The following FOCAD variants were observed in gnomAD, a reference collection of about 807,000 sequenced individuals.
The protein encoded by FOCAD is focadhesin.
FOCAD carries 198 observed loss-of-function variants against 225.6 expected under a neutral mutation model. The ratio of observed to expected loss-of-function variants is 0.88; its 90% CI spans 0.78 to 0.99. The LOEUF (loss-of-function observed/expected upper bound fraction) is 0.99, where lower values mean the gene tolerates loss of function less well. Ranked by LOEUF, FOCAD falls within the 50% of genes least tolerant of loss-of-function variation. FOCAD has a pLI of 0.00. For missense variants in FOCAD, 2,713 were observed against 2,123.6 expected (o/e 1.28, Z -5.46); for synonymous variants, 897 against 755.0 (o/e 1.19, Z -3.08).
At chr9:20,975,197 T>G (rs1189239229) in intron 35 of FOCAD, among the ~76,000 whole-genome samples, 2 of 152,192 alleles carry the variant, frequency 1.3e-5, no homozygotes, top group African/African-American at 4.8e-5. Context: ...ATTTCTGGCC[T>G]CCTCGTAGTT....
At chr9:20,936,110 G>GT (rs1218421509) in intron 28 of FOCAD, among the ~76,000 whole-genome samples, 5 of 152,300 alleles carry the variant, frequency 3.3e-5, no homozygotes, top group Non-Finnish European at 7.4e-5. Flanking sequence ...CAACATCGTA[G>GT]TTTTTTAGAC....
intron 34 of FOCAD, 25 bp from the exon 35 acceptor site, chr9:20,952,960 A>C (rs2132391231): frequency 6.3e-7 from 1 of 1,594,788 alleles, no homozygotes; most frequent in Non-Finnish European, 8.6e-7. Context: ...TCACTGGTTA[A>C]TTTGATCATT....
At chr9:20,809,799 C>T (rs945824181) in intron 11 of FOCAD, among the ~76,000 whole-genome samples, 2 of 152,094 alleles carry the variant, frequency 1.3e-5, no homozygotes, top group East Asian at 1.9e-4. Flanking sequence ...AACACAATCT[C>T]AGTGTAGATT....
At chr9:20,827,965 G>C (rs1366033944) in intron 15 of FOCAD, among the ~76,000 whole-genome samples, 19 of 152,036 alleles carry the variant, frequency 1.2e-4, no homozygotes, top group Admixed American at 1.2e-3. Flanking sequence ...TTGAAACCAA[G>C]AGTTTGAGGC....
At chr9:20,822,500 G>A (rs1420196316) in intron 14 of FOCAD, among the ~76,000 whole-genome samples, 1 of 151,804 alleles carries the variant, frequency 6.6e-6, no homozygotes, top group Non-Finnish European at 1.5e-5. Context: ...GAGCTCAGTC[G>A]GTTATAGTTT....
At chr9:20,902,711 G>T (rs1413279466) in intron 21 of FOCAD, among the ~76,000 whole-genome samples, 2 of 151,770 alleles carry the variant, frequency 1.3e-5, no homozygotes, top group East Asian at 3.9e-4. Context: ...AAAAAGTTGG[G>T]ACATATATAT....
chr9:20,710,612 T>A (rs921580510), intron 1 of FOCAD, among the ~76,000 whole-genome samples: 8 of 151,798 alleles, frequency 5.3e-5, no homozygotes, highest in African/African-American at 1.9e-4. Context: ...AAAAAAATAA[T>A]AATATAACAT....
rs374151385 is a variant in FOCAD at position 20,734,053 on chromosome 9, G to C, written c.288-6183G>C. Among the ~76,000 whole-genome samples, 212 of 152,270 alleles carry C rather than the reference G, an allele frequency of 1.4e-3. 1 individual carries two copies. Among genetic ancestry groups the C allele is most frequent in the African/African-American group, 4.9e-3 (202 of 41,564 alleles). On this transcript the variant is annotated intron_variant, in intron 4 of 43. Coordinates refer to ENST00000338382, the MANE Select transcript of FOCAD (RefSeq NM_001375567.1). ...ACAAAAAAAGTCTTTTTCGCACTTTGAGATTATAAATATTTTTTAACTAAT... is the reference window on the plus strand; with the variant it reads ...ACAAAAAAAGTCTTTTTCGCACTTTCAGATTATAAATATTTTTTAACTAAT...
intron 21 of FOCAD, among the ~76,000 whole-genome samples, chr9:20,891,409 T>G (rs1000195773): frequency 1.3e-4 from 20 of 152,332 alleles, no homozygotes; most frequent in Middle Eastern, 3.4e-3. Context: ...CTAGGCTTCT[T>G]GCACCAAACA....
intron 24 of FOCAD, among the ~76,000 whole-genome samples, chr9:20,921,751 A>G (rs1215117777): frequency 1.3e-5 from 2 of 152,340 alleles, no homozygotes; most frequent in East Asian, 1.9e-4. Flanking sequence ...AGAACAATAC[A>G]TACTCAGATA....
chr9:20,962,133 G>A (rs1051853596), intron 35 of FOCAD, among the ~76,000 whole-genome samples: 1 of 152,022 alleles, frequency 6.6e-6, no homozygotes, highest in Non-Finnish European at 1.5e-5. Context: ...CTTGGTGGGG[G>A]AAGATAGGGG....
chr9:20,714,702 C>G (rs1308230761), intron 1 of FOCAD, among the ~76,000 whole-genome samples: 1 of 130,770 alleles, frequency 7.6e-6, no homozygotes, highest in Non-Finnish European at 1.6e-5. Flanking sequence ...CTTCCTTCCT[C>G]TCTCTTTCTC....
intron 2 of FOCAD, among the ~76,000 whole-genome samples, chr9:20,670,573 C>T (rs1206023719): frequency 6.6e-6 from 1 of 152,112 alleles, no homozygotes; most frequent in African/African-American, 2.4e-5. Flanking sequence ...CATTCATTAT[C>T]GCGAGAACAG....
At chr9:20,921,943 A>G (rs1834474712) in intron 24 of FOCAD, among the ~76,000 whole-genome samples, 2 of 152,208 alleles carry the variant, frequency 1.3e-5, no homozygotes. Context: ...ACAGAGTAAT[A>G]AAACTGGGAC....
intron 2 of FOCAD, among the ~76,000 whole-genome samples, chr9:20,666,064 T>A (rs973567060): frequency 6.6e-6 from 1 of 152,070 alleles, no homozygotes; most frequent in Admixed American, 6.6e-5. Context: ...CCAGCTAATT[T>A]TTGTATCTCT....
At chr9:20,682,453 C>T (rs771057121), upstream of FOCAD, among the ~76,000 whole-genome samples, 1 of 152,182 alleles carries the variant, frequency 6.6e-6, no homozygotes, top group Non-Finnish European at 1.5e-5. Context: ...ACTTGCTGTA[C>T]TTCAGGTTCC....
intron 11 of FOCAD, among the ~76,000 whole-genome samples, chr9:20,789,950 A>G (rs1362482405): frequency 2.0e-5 from 3 of 152,162 alleles, no homozygotes; most frequent in African/African-American, 7.2e-5. Context: ...CATTAGTTCT[A>G]ATGTTGATCA....
chr9:20,945,619 G>A (rs1190343021), intron 29 of FOCAD, among the ~76,000 whole-genome samples: 2 of 152,176 alleles, frequency 1.3e-5, no homozygotes, highest in Non-Finnish European at 2.9e-5. Flanking sequence ...TTTTAAAGCA[G>A]TGTAGAGTGT....
In FOCAD at chr9:20,944,631, G is replaced by A; in HGVS notation, c.3412G>A (p.Gly1138Ser). The A allele has an allele frequency of 1.2e-6, 2 of 1,611,834 alleles. No homozygotes were observed. The highest frequency in any genetic ancestry group is 1.7e-6 in the Non-Finnish European group (2 of 1,178,664). ...TTATCTTTTTTGGCTTCCAAGCACG[G>A]GCTGTATATTGGGAGTTGGACTTGT... ...CFDTSLEYNT[G>S]CILGVGLVLS... The change falls in exon 29 of 44, where the codon GGC (glycine) becomes AGC (serine). Residue 1138 changes from glycine (G) to serine (S), a missense_variant. By Grantham distance (56) the Gly-to-Ser change is moderately conservative. Transcript: ENST00000338382.
Sources: gnomAD v4.1 joint callset for allele counts (sites outside exome capture counted in the v4.1 genomes callset) on GRCh38, gnomAD v4.1.1 for gene constraint, MANE v1.5 for transcripts, NCBI Gene and HGNC (gene_info 2026-07-23, HGNC 2026-07-21) for gene names.